The following UGT2B17 variants were observed in gnomAD, a reference collection of about 807,000 sequenced individuals.
UGT2B17 encodes UDP glucuronosyltransferase family 2 member B17, also known as UDP-glucuronosyltransferase 2B17.
A neutral mutation model predicts 48.2 loss-of-function variants in UGT2B17; 21 were observed. The ratio of observed to expected loss-of-function variants is 0.44; its 90% confidence interval spans 0.31 to 0.63. The LOEUF (loss-of-function observed/expected upper bound fraction) is 0.63. Ranked by LOEUF, UGT2B17 falls within the 20% of genes least tolerant of loss-of-function variation. The probability of loss-of-function intolerance (pLI) is 0.08; values close to 1 mark genes in which losing one functional copy is unlikely to be tolerated. For missense variants in UGT2B17, 402 were observed against 696.1 expected (o/e 0.58, Z 4.75); for synonymous variants, 146 against 238.4 (o/e 0.61, Z 3.57).
At chr4:68,558,777 A>G (rs1180282570) in intron 4 of UGT2B17, among the ~76,000 whole-genome samples, 1 of 125,232 alleles carries the variant, frequency 8.0e-6, no homozygotes, top group Non-Finnish European at 1.7e-5. Flanking sequence ...ATGAAAATAA[A>G]CCTGGGGGCC....
intron 6 of UGT2B17, among the ~76,000 whole-genome samples, chr4:68,542,611 C>T (rs11941088): frequency 0.091 from 11,467 of 125,912 alleles, 3,233 homozygotes; most frequent in East Asian, 0.31. Context: ...GTGGGTGCAG[C>T]GCACCACGTG....
At chr4:68,561,057 A>G (rs1042531415) in intron 3 of UGT2B17, among the ~76,000 whole-genome samples, 1 of 124,144 alleles carries the variant, frequency 8.1e-6, no homozygotes, top group African/African-American at 2.8e-5. Flanking sequence ...TTGTAGTTCT[A>G]CTAAATCTCT....
rs1203383511 is a variant in UGT2B17, at chr4:68,558,525, T to G, written c.1005+2012A>C. On this transcript the variant is annotated intron_variant, in intron 4 of 6. Coordinates refer to ENST00000317746, the MANE Select transcript of UGT2B17 (RefSeq NM_001077.4). ...GCCTACTGATTTATGGACTTCAGAG[T>G]AATGTGGCCTATATTAATTTTAAAG... Among the ~76,000 whole-genome samples the G allele has an allele frequency of 3.2e-5, 4 of 126,162 alleles. 1 individual carries two copies. The highest frequency in any genetic ancestry group is 1.1e-4 in the African/African-American group (4 of 37,050). The allele number at this position is 126,162 out of a possible 152,430, so 82.8% of individuals were successfully genotyped here.
At chr4:68,557,027 A>C (rs1731013999) in intron 4 of UGT2B17, among the ~76,000 whole-genome samples, 1 of 125,538 alleles carries the variant, frequency 8.0e-6, no homozygotes, top group African/African-American at 2.7e-5. Context: ...TACAGGGAAC[A>C]TTGTCAAACA....
chr4:68,550,811 G>A lies in UGT2B17; in HGVS notation c.1179C>T (p.Gly393=). The A allele has an allele frequency of 7.2e-7, 1 of 1,385,200 alleles. No individual in the cohort carries two copies. Among genetic ancestry groups the A allele is most frequent in the Non-Finnish European group, 9.4e-7 (1 of 1,060,800 alleles). The allele number at this position is 1,385,200 out of a possible 1,614,324, so 85.8% of individuals were successfully genotyped here. ...CATGTTGATCCGCAAACAAGGGAAT[G>A]CCCACCATAGGGATCCCATGGTAGA... ...EAIYHGIPMV[G]IPLFADQHDN... The change falls in exon 6 of 7, where the codon GGC becomes GGT. Residue 393 remains glycine (G), a synonymous_variant. Transcript: ENST00000317746.
chr4:68,544,152 G>A (rs1358016861), intron 6 of UGT2B17, among the ~76,000 whole-genome samples: 1 of 125,840 alleles, frequency 7.9e-6, no homozygotes, highest in African/African-American at 2.7e-5. Context: ...AAGTTGAAAT[G>A]AAGGAAAAAA....
At position 68,567,252 on chromosome 4, in the gene UGT2B17, G is replaced by C. The variant is rs531010930; in HGVS notation, c.724+509C>G. On this transcript the variant is annotated intron_variant, in intron 2 of 6. Transcript: ENST00000317746. ...AAATATTAGAAATCTCAAGTTTTAG[G>C]CTTCTGTTTCTGGAGTAGAGCCACT... is the stretch of plus-strand genomic sequence containing the variant. Among the ~76,000 whole-genome samples, 7 of 125,538 alleles carry C rather than the reference G, an allele frequency of 5.6e-5. 2 individuals carry two copies. The highest frequency in any genetic ancestry group is 1.4e-4 in the African/African-American group (5 of 36,706). The allele number at this position is 125,538 out of a possible 152,430, so 82.4% of individuals were successfully genotyped here.
intron 6 of UGT2B17, among the ~76,000 whole-genome samples, chr4:68,544,698 C>A (rs190380696): frequency 0.011 from 1,360 of 125,530 alleles, 333 homozygotes; most frequent in Non-Finnish European, 0.017. Flanking sequence ...TTCAGGAAAC[C>A]CATCTCATGT....
chr4:68,550,630 C>G (rs768857136), intron 6 of UGT2B17, 47 bp downstream of exon 6: 1 of 1,312,052 alleles, frequency 7.6e-7, no homozygotes, highest in Admixed American at 2.1e-5. Flanking sequence ...TCACTGTTGA[C>G]AAAATAATTT....
At chr4:68,548,487 A>G (rs1484965386) in intron 6 of UGT2B17, among the ~76,000 whole-genome samples, 1 of 124,822 alleles carries the variant, frequency 8.0e-6, no homozygotes, top group Non-Finnish European at 1.7e-5. Flanking sequence ...ATGACGAGTT[A>G]ATGGGTGCAG....
intron 6 of UGT2B17, among the ~76,000 whole-genome samples, chr4:68,541,236 A>T (rs1295098193): frequency 7.9e-6 from 1 of 125,892 alleles, no homozygotes; most frequent in Non-Finnish European, 1.7e-5. Flanking sequence ...GTTTTCCATG[A>T]TGGTTGAACT....
chr4:68,564,983 T>G (rs1363623872), intron 3 of UGT2B17, among the ~76,000 whole-genome samples: 1 of 126,266 alleles, frequency 7.9e-6, no homozygotes, highest in Admixed American at 8.1e-5. Flanking sequence ...TCAGGGATTA[T>G]AGGTGTGAGC....
At chr4:68,567,700 C>T (rs1731224115) in intron 2 of UGT2B17, 61 bp downstream of exon 2, 5 of 1,123,786 alleles carry the variant, frequency 4.4e-6, no homozygotes, top group Non-Finnish European at 5.7e-6. Context: ...TTATATAAGC[C>T]CACCTTCAAA....
chr4:68,550,928 A>G (rs1383060594), intron 5 of UGT2B17, 32 bp from the exon 6 acceptor site: 1 of 1,333,182 alleles, frequency 7.5e-7, no homozygotes, highest in Non-Finnish European at 9.8e-7. Context: ...CAAAGTTATT[A>G]ATTATAAGGC....
rs1731002545 is a variant in UGT2B17, at chr4:68,556,444, T to C, written c.1005+4093A>G. Among the ~76,000 whole-genome samples the C allele has an allele frequency of 1.6e-5, 2 of 125,092 alleles. 1 individual carries two copies. The highest frequency in any genetic ancestry group is 7.4e-4 in the South Asian group (2 of 2,704). The allele number at this position is 125,092 out of a possible 152,430, so 82.1% of individuals were successfully genotyped here. ...AATGCTAACAGTGTTTTCTAAAAGCTATTCAACTCCTCAAGGTCCAGGGAC... is the reference window on the plus strand; with the variant it reads ...AATGCTAACAGTGTTTTCTAAAAGCCATTCAACTCCTCAAGGTCCAGGGAC... On this transcript the variant is annotated intron_variant, in intron 4 of 6. Transcript: ENST00000317746.
chr4:68,566,931 T>G (rs1439532168), intron 2 of UGT2B17, among the ~76,000 whole-genome samples: 1 of 112,080 alleles, frequency 8.9e-6, no homozygotes, highest in Non-Finnish European at 1.8e-5. Context: ...GTTCTCAAAG[T>G]AAACCATGAG....
chr4:68,572,159 AT>A (rs1442755405), intron 1 of UGT2B17, among the ~76,000 whole-genome samples: 3 of 124,742 alleles, frequency 2.4e-5, no homozygotes, highest in Non-Finnish European at 3.4e-5. Context: ...AGATATACTT[AT>A]TTTTTTTACT....
intron 1 of UGT2B17, among the ~76,000 whole-genome samples, chr4:68,570,289 T>C (rs1731278853): frequency 7.9e-6 from 1 of 127,302 alleles, no homozygotes; most frequent in Non-Finnish European, 1.7e-5. Context: ...AGGTGCTGCA[T>C]GCACTGCTGG....
rs1439590588 is a variant in UGT2B17 at position 68,541,494 on chromosome 4, G to GT, written c.1314-3591dup. On this transcript the variant is annotated intron_variant, in intron 6 of 6. Transcript: ENST00000317746. Reference sequence around the variant, plus strand: ...CCTTTGCCCACTTTTTGGTGGTGGTGTTTTTTTTCTTGTAAATTTGTTTAA... The same window carrying GT: ...CCTTTGCCCACTTTTTGGTGGTGGTGTTTTTTTTTCTTGTAAATTTGTTTAA... Among the ~76,000 whole-genome samples, 2 of 124,318 alleles carry GT rather than the reference G, an allele frequency of 1.6e-5. 1 individual carries two copies. The highest frequency in any genetic ancestry group is 5.5e-5 in the African/African-American group (2 of 36,524). The allele number at this position is 124,318 out of a possible 152,430, so 81.6% of individuals were successfully genotyped here.
Sources: gnomAD v4.1 joint callset for allele counts (sites outside exome capture counted in the v4.1 genomes callset) on GRCh38, gnomAD v4.1.1 for gene constraint, MANE v1.5 for transcripts, NCBI Gene and HGNC (gene_info 2026-07-23, HGNC 2026-07-21) for gene names.